The following CCDC146 variants were observed in gnomAD, a reference collection of about 807,000 sequenced individuals.
The protein encoded by CCDC146 is coiled-coil domain-containing protein 146.
A neutral mutation model predicts 119.3 loss-of-function variants in CCDC146; 92 were observed. The observed-to-expected ratio is 0.77, with a 90% CI of 0.65 to 0.92. The LOEUF is 0.92. Ranked by LOEUF, CCDC146 falls within the 40% of genes least tolerant of loss-of-function variation. The pLI is 0.00. For synonymous variants in CCDC146, 372 were observed against 371.8 expected (o/e 1.00, Z -0.01); for missense variants, 1,000 against 1,103.0 (o/e 0.91, Z 1.32).
intron 1 of CCDC146, among the ~76,000 whole-genome samples, chr7:77,141,876 G>A (rs57865219): frequency 1.3e-5 from 2 of 151,994 alleles, no homozygotes; most frequent in African/African-American, 4.8e-5. Context: ...CCTGTTCACT[G>A]TGATGATAGT....
intron 2 of CCDC146, among the ~76,000 whole-genome samples, chr7:77,200,015 T>C (rs773747327): frequency 6.6e-6 from 1 of 152,238 alleles, no homozygotes; most frequent in Non-Finnish European, 1.5e-5. Flanking sequence ...GAAATTATTA[T>C]AGTCAAATGT....
chr7:77,251,994 C>T (rs913601456), intron 4 of CCDC146, among the ~76,000 whole-genome samples: 1 of 152,074 alleles, frequency 6.6e-6, no homozygotes, highest in African/African-American at 2.4e-5. Context: ...ACTGAAAATA[C>T]AAATATTAGC....
intron 8 of CCDC146, among the ~76,000 whole-genome samples, chr7:77,261,448 G>T (rs1160280241): frequency 6.6e-6 from 1 of 152,158 alleles, no homozygotes; most frequent in Non-Finnish European, 1.5e-5. Context: ...CAAAGGATAT[G>T]ATCTCATTCT....
chr7:77,210,643 T>C (rs1792163098), intron 2 of CCDC146, among the ~76,000 whole-genome samples: 1 of 152,232 alleles, frequency 6.6e-6, no homozygotes, highest in Non-Finnish European at 1.5e-5. Context: ...ACCAATTTTC[T>C]GTATTAGTCC....
intron 1 of CCDC146, among the ~76,000 whole-genome samples, chr7:77,159,406 G>A (rs139579139): frequency 5.0e-4 from 76 of 152,244 alleles, no homozygotes; most frequent in African/African-American, 1.6e-3. Flanking sequence ...TATAGTATTT[G>A]TATTTCTCTG....
chr7:77,141,094 G>A (rs142626622), intron 1 of CCDC146, among the ~76,000 whole-genome samples: 1,668 of 152,010 alleles, frequency 0.011, 23 homozygotes, highest in African/African-American at 0.038. Context: ...GACAGGCCTC[G>A]GTGTGTGATG....
At chr7:77,223,066 T>G (rs1792436179) in intron 2 of CCDC146, among the ~76,000 whole-genome samples, 1 of 152,244 alleles carries the variant, frequency 6.6e-6, no homozygotes, top group Admixed American at 6.5e-5. Flanking sequence ...TTTGAAGTTC[T>G]GACAGAGGCA....
chr7:77,128,794 C>T (rs1211166346), intron 1 of CCDC146, among the ~76,000 whole-genome samples: 1 of 152,102 alleles, frequency 6.6e-6, no homozygotes, highest in Non-Finnish European at 1.5e-5. Context: ...GGGGGAATCC[C>T]GATACTCTTT....
chr7:77,200,432 C>T (rs982654128), intron 2 of CCDC146, among the ~76,000 whole-genome samples: 1 of 152,280 alleles, frequency 6.6e-6, no homozygotes, highest in African/African-American at 2.4e-5. Flanking sequence ...TTCCTTTGTC[C>T]GTAGCATAGT....
intron 9 of CCDC146, among the ~76,000 whole-genome samples, chr7:77,270,936 T>C (rs1053967583): frequency 6.6e-6 from 1 of 152,046 alleles, no homozygotes; most frequent in African/African-American, 2.4e-5. Context: ...AAACAGCCAC[T>C]TTCCCAGGAC....
chr7:77,204,735 C>A (rs1460136997), intron 2 of CCDC146, among the ~76,000 whole-genome samples: 1 of 152,200 alleles, frequency 6.6e-6, no homozygotes, highest in Non-Finnish European at 1.5e-5. Context: ...GTACTCCACA[C>A]CAAGCCAGGG....
chr7:77,295,010 G>T lies in CCDC146; in HGVS notation c.*144G>T, dbSNP rs1263624363. The T allele has an allele frequency of 1.5e-6, 1 of 658,352 alleles. No individual in the cohort carries two copies. The highest frequency in any genetic ancestry group is 2.6e-6 in the Non-Finnish European group (1 of 389,180). The allele number at this position is 658,352 out of a possible 1,614,324, so 40.8% of individuals were successfully genotyped here. A position where few individuals can be genotyped will look rare whatever the true frequency, so the allele number is the denominator to read the frequency against. On this transcript the variant is annotated 3_prime_UTR_variant, in exon 19 of 19. Coordinates refer to ENST00000285871, the MANE Select transcript of CCDC146 (RefSeq NM_020879.3). ...TTAGTCAGCAACAGAGTACAACAGG[G>T]TTTCTATTTACCCACCAACTACTAT...
chr7:77,174,192 G>A (rs180718947), intron 2 of CCDC146, among the ~76,000 whole-genome samples: 1 of 152,272 alleles, frequency 6.6e-6, no homozygotes, highest in African/African-American at 2.4e-5. Context: ...GTGTCTGGCT[G>A]CTTTTGCTCA....
intron 4 of CCDC146, among the ~76,000 whole-genome samples, chr7:77,251,007 GTGTGTGTGTGTGTGTGTGTT>G (rs1793049335): frequency 6.9e-6 from 1 of 145,924 alleles, no homozygotes. Flanking sequence ...GTGTGTGTGT[GTGTGTGTGTGTGTGTGTGTT>G]TGGTTGTTTG....
intron 1 of CCDC146, among the ~76,000 whole-genome samples, chr7:77,153,257 C>T (rs1166472907): frequency 2.6e-5 from 4 of 152,206 alleles, no homozygotes; most frequent in African/African-American, 7.2e-5. Flanking sequence ...TCTAGGTCCA[C>T]AGTTCCTACT....
chr7:77,164,908 G>T (rs534215463), intron 1 of CCDC146, among the ~76,000 whole-genome samples: 4 of 152,134 alleles, frequency 2.6e-5, no homozygotes, highest in African/African-American at 9.7e-5. Flanking sequence ...CATGAGAAAT[G>T]ATACATATTC....
intron 2 of CCDC146, among the ~76,000 whole-genome samples, chr7:77,223,508 G>A (rs998186915): frequency 6.6e-6 from 1 of 152,146 alleles, no homozygotes; most frequent in Non-Finnish European, 1.5e-5. Flanking sequence ...TGCTCATCCT[G>A]TGAACCTTGC....
chr7:77,184,627 G>T (rs956771853), intron 2 of CCDC146, among the ~76,000 whole-genome samples: 2 of 152,138 alleles, frequency 1.3e-5, no homozygotes, highest in African/African-American at 4.8e-5. Flanking sequence ...CAAAGTCTTT[G>T]TGCTTAAGCA....
intron 1 of CCDC146, among the ~76,000 whole-genome samples, chr7:77,133,669 T>C (rs1465230027): frequency 6.9e-6 from 1 of 145,936 alleles, no homozygotes; most frequent in South Asian, 2.2e-4. Context: ...TTTTTTTTTT[T>C]ACCACTTTTA....
Sources: gnomAD v4.1 joint callset for allele counts (sites outside exome capture counted in the v4.1 genomes callset) on GRCh38, gnomAD v4.1.1 for gene constraint, MANE v1.5 for transcripts, NCBI Gene and HGNC (gene_info 2026-07-23, HGNC 2026-07-21) for gene names.